Variants in RGS7 observed in about 807,000 individuals in gnomAD.
RGS7 encodes regulator of G protein signaling 7.
In RGS7, 27 loss-of-function variants were observed where a neutral mutation model predicts 81.1. That is an observed-to-expected ratio of 0.33 (90% CI 0.25 to 0.46). RGS7 has a LOEUF of 0.46. Ranked by LOEUF, RGS7 falls within the 20% of genes least tolerant of loss-of-function variation. RGS7 has a pLI of 1.00. For missense variants in RGS7, 396 were observed against 607.4 expected (o/e 0.65, Z 3.66); for synonymous variants, 208 against 207.7 (o/e 1.00, Z -0.01).
chr1:240,981,030 C>T (rs1684835085), intron 4 of RGS7, among the ~76,000 whole-genome samples: 1 of 152,102 alleles, frequency 6.6e-6, no homozygotes, highest in South Asian at 2.1e-4. Flanking sequence ...ATGATTGTTT[C>T]TTACTAGCTT....
chr1:240,781,203 T>C (rs531083324), intron 18 of RGS7, among the ~76,000 whole-genome samples: 5 of 152,348 alleles, frequency 3.3e-5, no homozygotes, highest in African/African-American at 1.2e-4. Flanking sequence ...AAAATACTTT[T>C]TCATAGCAGC....
chr1:241,144,638 C>T lies in RGS7; in HGVS notation c.79-45876G>A, dbSNP rs1024746225. On this transcript the variant is annotated intron_variant, in intron 2 of 18. Transcript: ENST00000440928. The surrounding 1 kb of genome is among the most constrained non-coding windows in gnomAD (Gnocchi z 4.7). ...TGTCCTGGGCCTGCTTCGATAAGTG[C>T]TGTTTATGTGGCTGTATTTTCAAGA... is the stretch of plus-strand genomic sequence containing the variant. Among the ~76,000 whole-genome samples, 2 of 152,118 alleles carry T rather than the reference C, an allele frequency of 1.3e-5. No individual in the cohort carries two copies. Among genetic ancestry groups the T allele is most frequent in the African/African-American group, 4.8e-5 (2 of 41,414 alleles).
intron 2 of RGS7, among the ~76,000 whole-genome samples, chr1:241,131,764 G>A (rs564819437): frequency 1.8e-4 from 27 of 151,954 alleles, no homozygotes; most frequent in African/African-American, 6.3e-4. Context: ...ATGCATAATA[G>A]CTGATGTTAC....
intron 3 of RGS7, among the ~76,000 whole-genome samples, chr1:241,090,847 A>G (rs2502426): frequency 0.24 from 36,895 of 152,142 alleles, 6,040 homozygotes; most frequent in African/African-American, 0.46. Flanking sequence ...AGTACTCCAC[A>G]GGACTACATC....
intron 6 of RGS7, among the ~76,000 whole-genome samples, chr1:240,885,309 T>C (rs1193791788): frequency 6.6e-6 from 1 of 152,062 alleles, no homozygotes; most frequent in African/African-American, 2.4e-5. Context: ...GGTGGGAGTG[T>C]AAATTGTTCA....
intron 3 of RGS7, among the ~76,000 whole-genome samples, chr1:241,046,358 A>T (rs1378945923): frequency 2.7e-5 from 4 of 145,702 alleles, no homozygotes; most frequent in Non-Finnish European, 3.0e-5. Flanking sequence ...CTTTATGTCC[A>T]TGTGTACTTA....
At chr1:240,815,164 C>G (rs534056019) in intron 11 of RGS7, among the ~76,000 whole-genome samples, 1 of 151,574 alleles carries the variant, frequency 6.6e-6, no homozygotes, top group Non-Finnish European at 1.5e-5. Flanking sequence ...ATAGTGAGAC[C>G]CTGTCTGTAA....
At position 241,163,661 on chromosome 1, in the gene RGS7, C is replaced by A. The variant is rs561908617; in HGVS notation, c.79-64899G>T. Among the ~76,000 whole-genome samples the A allele has an allele frequency of 2.4e-4, 37 of 152,304 alleles. No homozygotes were observed. The highest frequency in any genetic ancestry group is 5.5e-4 in the African/African-American group (23 of 41,572). ...TCTTCTCTCCCTCCCATAATCACAACCTGTTTTGCCACAATCCAAGCCCCC... is the reference window on the plus strand; with the variant it reads ...TCTTCTCTCCCTCCCATAATCACAAACTGTTTTGCCACAATCCAAGCCCCC... On this transcript the variant is annotated intron_variant, in intron 2 of 18. Coordinates refer to ENST00000440928, the MANE Select transcript of RGS7 (RefSeq NM_001364886.1). This position sits in a 1 kb window ranked among gnomAD's most constrained non-coding sequence, Gnocchi z 4.6.
intron 6 of RGS7, among the ~76,000 whole-genome samples, chr1:240,909,525 T>C (rs765857523): frequency 7.9e-5 from 12 of 152,188 alleles, no homozygotes; most frequent in Non-Finnish European, 1.3e-4. Context: ...CCTACCTAAA[T>C]GTGTCATAAC....
At position 240,802,877 on chromosome 1, in the gene RGS7, A is replaced by G. The variant is rs1286178790; in HGVS notation, c.1359+27T>C. On this transcript the variant is annotated intron_variant, in intron 16 of 18. Coordinates refer to ENST00000440928, the MANE Select transcript of RGS7 (RefSeq NM_001364886.1). ...AATTATAACTGAGAACTAGGCCAAGAAAAAACAACTCACAAAAAACCAGTA... is the reference window on the plus strand; with the variant it reads ...AATTATAACTGAGAACTAGGCCAAGGAAAAACAACTCACAAAAAACCAGTA... 5 of 1,464,114 alleles carry G rather than the reference A, an allele frequency of 3.4e-6. No individual in the cohort carries two copies. The South Asian group carries it at 4.5e-5, about 13-fold the overall frequency. The allele number at this position is 1,464,114 out of a possible 1,614,324, so 90.7% of individuals were successfully genotyped here. A position where few individuals can be genotyped will look rare whatever the true frequency, so the allele number is the denominator to read the frequency against.
At chr1:241,320,096 A>G (rs1019883771) in intron 2 of RGS7, among the ~76,000 whole-genome samples, 3 of 152,200 alleles carry the variant, frequency 2.0e-5, no homozygotes, top group Non-Finnish European at 2.9e-5. Context: ...ACGTAAAGAA[A>G]AGAAAAAAAG....
At chr1:240,987,450 C>T (rs1020148785) in intron 3 of RGS7, among the ~76,000 whole-genome samples, 1 of 152,034 alleles carries the variant, frequency 6.6e-6, no homozygotes, top group African/African-American at 2.4e-5. Context: ...AGACACAGTG[C>T]TGACAATACA....
intron 2 of RGS7, among the ~76,000 whole-genome samples, chr1:241,136,517 C>G (rs2067527837): frequency 6.6e-6 from 1 of 152,160 alleles, no homozygotes. Context: ...GTGGCCACAG[C>G]ACAGTCCCAC....
chr1:241,201,558 T>C (rs1030081705), intron 2 of RGS7, among the ~76,000 whole-genome samples: 2 of 152,150 alleles, frequency 1.3e-5, no homozygotes, highest in Non-Finnish European at 2.9e-5. Context: ...TATCCTTAAA[T>C]TTCTTCCCTG....
intron 4 of RGS7, among the ~76,000 whole-genome samples, chr1:240,949,212 G>T (rs1679145393): frequency 1.3e-5 from 2 of 151,998 alleles, no homozygotes; most frequent in South Asian, 4.2e-4. Context: ...TTTCAATTTT[G>T]ATTTGTTTCC....
intron 2 of RGS7, among the ~76,000 whole-genome samples, chr1:241,175,772 G>C: frequency 6.6e-6 from 1 of 152,146 alleles, no homozygotes; most frequent in Non-Finnish European, 1.5e-5. Context: ...TTAGCGATGG[G>C]AGCAGCAATA....
chr1:241,032,475 C>T (rs2060127627), intron 3 of RGS7, among the ~76,000 whole-genome samples: 1 of 152,092 alleles, frequency 6.6e-6, no homozygotes, highest in Admixed American at 6.6e-5. Flanking sequence ...TTTTTGGTTC[C>T]ATATGAATTT....
chr1:241,222,156 A>G (rs2075053399), intron 2 of RGS7, among the ~76,000 whole-genome samples: 1 of 152,152 alleles, frequency 6.6e-6, no homozygotes, highest in East Asian at 1.9e-4. Flanking sequence ...AGCTACTGAA[A>G]TTTGTGGTTG....
intron 6 of RGS7, among the ~76,000 whole-genome samples, chr1:240,884,390 C>T (rs174434): frequency 0.47 from 71,268 of 152,044 alleles, 16,928 homozygotes; most frequent in East Asian, 0.53. Flanking sequence ...GATTCAGTAT[C>T]CCCTAATTCA....
Sources: allele counts gnomAD v4.1 joint callset (sites outside exome capture counted in the v4.1 genomes callset), GRCh38; gene constraint gnomAD v4.1.1; non-coding constraint Gnocchi (gnomAD v3.1); transcripts MANE v1.5; gene names NCBI Gene and HGNC (gene_info 2026-07-23, HGNC 2026-07-21).